The following RPS6KA2 variants were observed in gnomAD, a reference collection of about 807,000 sequenced individuals.
RPS6KA2 encodes the protein ribosomal protein S6 kinase alpha-2.
Under a neutral mutation model 91.8 loss-of-function variants are expected in RPS6KA2, and 42 were observed. That is an observed-to-expected ratio of 0.46 (90% confidence interval 0.36 to 0.59). The LOEUF is 0.59. Among genes scored for constraint, RPS6KA2 ranks in the 20% least tolerant of loss-of-function variants. RPS6KA2 has a pLI of 0.00. For synonymous variants in RPS6KA2, 414 were observed against 393.6 expected, an observed-to-expected ratio of 1.05 and a Z score of -0.61; for missense variants, 798 against 978.5, an observed-to-expected ratio of 0.82 and a Z score of 2.46.
intron 1 of RPS6KA2, among the ~76,000 whole-genome samples, chr6:166,616,128 G>T (rs1254653160): frequency 1.3e-5 from 2 of 152,136 alleles, no homozygotes; most frequent in African/African-American, 4.8e-5. Flanking sequence ...CACCCCGGCT[G>T]ACCTGCCATG....
At chr6:166,540,581 ATGAG>A (rs1783623062) in intron 1 of RPS6KA2, among the ~76,000 whole-genome samples, 1 of 152,230 alleles carries the variant, frequency 6.6e-6, no homozygotes, top group Non-Finnish European at 1.5e-5. Context: ...TACTTCTTGA[ATGAG>A]TAAGTAAAAA....
chr6:166,538,572 G>T (rs1783554283), intron 2 of RPS6KA2, 96 bp downstream of exon 2: 1 of 706,358 alleles, frequency 1.4e-6, no homozygotes, highest in Admixed American at 1.9e-5. Context: ...AGCCCTGCAG[G>T]TGAGGACCGC....
Position 166,488,883 on chromosome 6 carries a change from G to T in RPS6KA2, c.857C>A (p.Ala286Glu). The change falls in exon 10 of 21, where the codon GCA becomes GAA. Residue 286 changes from alanine to glutamate, a missense_variant. By Grantham distance (107) the Ala-to-Glu change is moderately radical. Coordinates refer to ENST00000265678, the MANE Select transcript of RPS6KA2 (RefSeq NM_021135.6). ...LGMPQFLSGEAQSLLRALFKR... is the reference protein window; with the variant it reads ...LGMPQFLSGEEQSLLRALFKR... ...GAAGAGAGCTCGCAGCAAACTCTGT[G>T]CCTCCCCACTGAGGAACTGCGGCAT... The T allele has an allele frequency of 6.2e-7, 1 of 1,613,806 alleles. No individual in the cohort carries two copies. Among genetic ancestry groups the T allele is most frequent in the Non-Finnish European group, 8.5e-7 (1 of 1,179,886 alleles).
At chr6:166,541,605 GT>G (rs1297691368) in intron 1 of RPS6KA2, among the ~76,000 whole-genome samples, 1 of 152,114 alleles carries the variant, frequency 6.6e-6, no homozygotes, top group African/African-American at 2.4e-5. Context: ...CAGTCAGCCC[GT>G]TTTTTAGGCT....
Position 166,423,145 on chromosome 6 carries a change from C to T in RPS6KA2, c.1743+111G>A, listed in dbSNP as rs2128441700. On this transcript the variant is annotated intron_variant, in intron 17 of 20. Transcript: ENST00000265678. This position sits in a 1 kb window ranked among gnomAD's most constrained non-coding sequence, Gnocchi z 4.8. ...CTGTTTCCCAACACCACTGCTGACG[C>T]AGCTCAAGCCGCCTCTGACATCCCC... 1 of 1,142,410 alleles carries T rather than the reference C, an allele frequency of 8.8e-7. No homozygotes were observed. Among genetic ancestry groups the T allele is most frequent in the East Asian group, 2.5e-5 (1 of 39,706 alleles). The allele number at this position is 1,142,410 out of a possible 1,614,324, so 70.8% of individuals were successfully genotyped here.
Position 166,739,353 on chromosome 6 carries a change from T to C in RPS6KA2, c.123+118847A>G, listed in dbSNP as rs141005514. 1.0e-3 allele frequency among the ~76,000 whole-genome samples: 153 copies of C among 152,348 alleles called. 1 individual carries two copies. The highest frequency in any genetic ancestry group is 1.8e-3 in the Non-Finnish European group (123 of 68,030). Reference sequence around the variant, plus strand: ...GAAATATGAACTCTAGGAAACCCTCTAGGTAAGGATCCCTAACTAAATTAC... The same window carrying C: ...GAAATATGAACTCTAGGAAACCCTCCAGGTAAGGATCCCTAACTAAATTAC... On this transcript the variant is annotated intron_variant, in intron 2 of 21. Coordinates refer to the RPS6KA2 transcript ENST00000503859.
intron 16 of RPS6KA2, among the ~76,000 whole-genome samples, chr6:166,424,707 T>C (rs73269251): frequency 0.011 from 1,649 of 152,344 alleles, 29 homozygotes; most frequent in African/African-American, 0.036. Context: ...GAGCTTGAAG[T>C]GCAGCCTGGA....
chr6:166,491,251 A>T (rs1486733815), intron 8 of RPS6KA2, among the ~76,000 whole-genome samples: 1 of 152,226 alleles, frequency 6.6e-6, no homozygotes, highest in Non-Finnish European at 1.5e-5. Context: ...ACAATATGGC[A>T]CAGCAACCTC....
At chr6:166,822,774 T>C (rs1356799569) in intron 2 of RPS6KA2, among the ~76,000 whole-genome samples, 1 of 147,172 alleles carries the variant, frequency 6.8e-6, no homozygotes. Context: ...ACATAGGGGC[T>C]CAGCACGTGT....
At chr6:166,810,643 C>T (rs1345689719) in intron 2 of RPS6KA2, among the ~76,000 whole-genome samples, 11 of 152,182 alleles carry the variant, frequency 7.2e-5, no homozygotes, top group African/African-American at 1.9e-4. Flanking sequence ...GTCCACCCCA[C>T]GCAGGCCTGT....
Position 166,571,535 on chromosome 6 carries a change from G to A in RPS6KA2, c.100-32751C>T, listed in dbSNP as rs141372245. Among the ~76,000 whole-genome samples, 140 of 152,366 alleles carry A rather than the reference G, an allele frequency of 9.2e-4. 1 individual carries two copies. Among genetic ancestry groups the A allele is most frequent in the Non-Finnish European group, 4.9e-4 (33 of 68,038 alleles). ...TGTGTGTGCATGAATGCACGCACAT[G>A]CGCGTTCTAGCACTCCAAAATAAAC... On this transcript the variant is annotated intron_variant, in intron 1 of 20. Transcript: ENST00000265678.
chr6:166,475,303 C>T (rs182014646), intron 10 of RPS6KA2, among the ~76,000 whole-genome samples: 12 of 152,276 alleles, frequency 7.9e-5, no homozygotes, highest in African/African-American at 2.9e-4. Context: ...CTTGAGAGCC[C>T]CCACGCTCAC....
At position 166,418,251 on chromosome 6, in the gene RPS6KA2, A is replaced by G. The variant is rs1778605605; in HGVS notation, c.1912T>C (p.Trp638Arg). Residue 638 changes from tryptophan (W) to arginine (R), a missense_variant, in exon 19 of 21, where the codon TGG (tryptophan) becomes CGG (arginine). Coordinates refer to ENST00000265678, the MANE Select transcript of RPS6KA2 (RefSeq NM_021135.6). The surrounding 1 kb of genome is among the most constrained non-coding windows in gnomAD (Gnocchi z 4.9). ...TTAGCTGCGTCAGATATCGAGTCCC[A>G]GTTTCCCCCAGAAAGGGCATACTTC... ...SGKYALSGGN[W>R]DSISDAAKDV... 1.2e-5 allele frequency: 19 copies of G among 1,612,986 alleles called. No individual in the cohort carries two copies. Among genetic ancestry groups the G allele is most frequent in the Non-Finnish European group, 1.6e-5 (19 of 1,179,154 alleles).
At chr6:166,414,917 G>A (rs1329806117) in intron 19 of RPS6KA2, among the ~76,000 whole-genome samples, 1 of 152,080 alleles carries the variant, frequency 6.6e-6, no homozygotes, top group African/African-American at 2.4e-5. Context: ...ATACAAAAAT[G>A]AGCTGGGTGT....
At chr6:166,561,623 G>C (rs1053356954) in intron 1 of RPS6KA2, among the ~76,000 whole-genome samples, 1 of 151,914 alleles carries the variant, frequency 6.6e-6, no homozygotes, top group Non-Finnish European at 1.5e-5. Context: ...GGCTGAAGGG[G>C]TATTAGGAAC....
At chr6:166,816,480 A>G (rs1477119967) in intron 2 of RPS6KA2, among the ~76,000 whole-genome samples, 2 of 151,478 alleles carry the variant, frequency 1.3e-5, no homozygotes, top group African/African-American at 4.9e-5. Flanking sequence ...ACTTGAACCC[A>G]GGAGGTGGAG....
At chr6:166,590,421 AT>A (rs1204169818) in intron 1 of RPS6KA2, among the ~76,000 whole-genome samples, 1 of 152,160 alleles carries the variant, frequency 6.6e-6, no homozygotes, top group African/African-American at 2.4e-5. Context: ...GACAGATCCT[AT>A]TTCAGGGCTG....
intron 1 of RPS6KA2, among the ~76,000 whole-genome samples, chr6:166,858,605 GC>G (rs1780971338): frequency 6.6e-6 from 1 of 152,244 alleles, no homozygotes; most frequent in Non-Finnish European, 1.5e-5. Flanking sequence ...TTTTCATGAA[GC>G]TAAAATACGA....
chr6:166,457,816 A>G (rs1780152109), intron 12 of RPS6KA2, among the ~76,000 whole-genome samples: 1 of 152,250 alleles, frequency 6.6e-6, no homozygotes, highest in Non-Finnish European at 1.5e-5. Flanking sequence ...AATCTGGAGG[A>G]ACAAAGTGGA....
Sources: allele counts gnomAD v4.1 joint callset (sites outside exome capture counted in the v4.1 genomes callset), GRCh38; gene constraint gnomAD v4.1.1; non-coding constraint Gnocchi (gnomAD v3.1); transcripts MANE v1.5; gene names NCBI Gene and HGNC (gene_info 2026-07-23, HGNC 2026-07-21).